Variants in PTPN9 observed in about 807,000 individuals in gnomAD.
PTPN9 encodes tyrosine-protein phosphatase non-receptor type 9.
PTPN9 carries 26 observed loss-of-function variants against 69.8 expected under a neutral mutation model. The ratio of observed to expected loss-of-function variants is 0.37; its 90% CI spans 0.27 to 0.52. The LOEUF (loss-of-function observed/expected upper bound fraction) is 0.52. Ranked by LOEUF, PTPN9 falls within the 20% of genes least tolerant of loss-of-function variation. The pLI, the probability that PTPN9 is intolerant of heterozygous loss-of-function variation, is 0.91. For missense variants in PTPN9, 549 were observed against 740.3 expected, an observed-to-expected ratio of 0.74 and a Z score of 3.00; for synonymous variants, 274 against 272.5, an observed-to-expected ratio of 1.01 and a Z score of -0.05.
chr15:75,503,792 C>A (rs1349984540), intron 7 of PTPN9, among the ~76,000 whole-genome samples: 2 of 112,236 alleles, frequency 1.8e-5, no homozygotes, highest in East Asian at 3.2e-4. Flanking sequence ...AGCCCCCCGT[C>A]CGGGAGGGAG....
At chr15:75,536,465 T>C (rs1437563536) in intron 1 of PTPN9, among the ~76,000 whole-genome samples, 1 of 152,182 alleles carries the variant, frequency 6.6e-6, no homozygotes, top group Non-Finnish European at 1.5e-5. Flanking sequence ...TCAAACTCTC[T>C]CTATGGATAT....
intron 7 of PTPN9, among the ~76,000 whole-genome samples, chr15:75,503,569 C>T (rs1349449611): frequency 4.9e-5 from 5 of 101,938 alleles, no homozygotes; most frequent in Admixed American, 1.0e-4. Context: ...CCCGCCCGGC[C>T]AGCCGCTCCG....
At chr15:75,553,280 C>T (rs923349752) in intron 1 of PTPN9, among the ~76,000 whole-genome samples, 2 of 152,132 alleles carry the variant, frequency 1.3e-5, no homozygotes, top group African/African-American at 4.8e-5. Context: ...TCTTAGTAGA[C>T]TTGAATCTGT....
chr15:75,475,502 C>T (rs1249309201), intron 9 of PTPN9, among the ~76,000 whole-genome samples: 1 of 151,990 alleles, frequency 6.6e-6, no homozygotes, highest in Non-Finnish European at 1.5e-5. Flanking sequence ...TTGTTTGAAC[C>T]CAGGAGGCGG....
chr15:75,559,768 C>CAAAAAAAAA (rs5813803), intron 1 of PTPN9, among the ~76,000 whole-genome samples: 1 of 94,944 alleles, frequency 1.1e-5, no homozygotes, highest in African/African-American at 3.5e-5. Context: ...GAATGGTCAA[C>CAAAAAAAAA]AAAAAAAAAA....
At position 75,540,923 on chromosome 15, in the gene PTPN9, T is replaced by A. The variant is rs1482695866; in HGVS notation, c.64-13662A>T. ...GGAAACCTCGTCTCTAAAAAAAAAA[T>A]TAAAAATTAGCCAGGTGTGGTGGTG... On this transcript the variant is annotated intron_variant, in intron 1 of 12. Transcript: ENST00000618819. Among the ~76,000 whole-genome samples the A allele has an allele frequency of 2.7e-5, 4 of 150,250 alleles. No individual in the cohort carries two copies. In the East Asian group the frequency reaches 8.0e-4, roughly 30 times the overall value.
intron 8 of PTPN9, among the ~76,000 whole-genome samples, chr15:75,488,395 A>C (rs2074690671): frequency 6.6e-6 from 1 of 151,906 alleles, no homozygotes; most frequent in South Asian, 2.1e-4. Context: ...CGGAGATATC[A>C]CCTAATAAAA....
rs941217629 is a variant in PTPN9 at position 75,546,618 on chromosome 15, G to C, written c.64-19357C>G. On this transcript the variant is annotated intron_variant, in intron 1 of 12. Transcript: ENST00000618819. ...AGATCATGCCACTGCACTCTAGCCT[G>C]GGCGACAGAGCAAGACTCTGTCTCA... Among the ~76,000 whole-genome samples, 14 of 151,978 alleles carry C rather than the reference G, an allele frequency of 9.2e-5. No individual in the cohort carries two copies. The East Asian group carries it at 2.7e-3, about 30-fold the overall frequency.
intron 1 of PTPN9, among the ~76,000 whole-genome samples, chr15:75,530,837 T>C (rs113145665): frequency 9.4e-4 from 96 of 102,404 alleles, no homozygotes; most frequent in Non-Finnish European, 1.5e-3. Flanking sequence ...ATATATATTA[T>C]AATATATTAT....
intron 1 of PTPN9, among the ~76,000 whole-genome samples, chr15:75,540,563 G>A (rs112258187): frequency 3.0e-4 from 10 of 33,248 alleles, no homozygotes; most frequent in African/African-American, 1.1e-3. Context: ...AAAAAAAAAA[G>A]AAAGAAAGAA....
rs1270941986 is a variant in PTPN9, at chr15:75,487,967, T to C, written c.1062+2241A>G. Among the ~76,000 whole-genome samples, 5 of 152,344 alleles carry C rather than the reference T, an allele frequency of 3.3e-5. No individual in the cohort carries two copies. In the South Asian group the frequency reaches 8.3e-4, roughly 25 times the overall value. On this transcript the variant is annotated intron_variant, in intron 8 of 12. Transcript: ENST00000618819. ...ATTTAAATTACTTTACTGTGTGTCA[T>C]GTTAAAGAGGCACTATTTAAATTAC...
intron 9 of PTPN9, among the ~76,000 whole-genome samples, chr15:75,474,518 CAA>C (rs1192419976): frequency 7.4e-6 from 1 of 134,420 alleles, no homozygotes. Context: ...GACTCTGTCT[CAA>C]AAAAAAAAAA....
At chr15:75,526,026 C>G (rs1350664355) in intron 2 of PTPN9, among the ~76,000 whole-genome samples, 1 of 150,618 alleles carries the variant, frequency 6.6e-6, no homozygotes, top group South Asian at 2.1e-4. Flanking sequence ...TAAACAGTCT[C>G]ACTCTGTTGC....
At chr15:75,567,995 CA>C (rs200988084) in intron 1 of PTPN9, among the ~76,000 whole-genome samples, 156 of 95,994 alleles carry the variant, frequency 1.6e-3, no homozygotes, top group East Asian at 0.014. Context: ...GACTCCGTCT[CA>C]AAAAAAAAAA....
At chr15:75,543,835 CAAT>C (rs1204173302) in intron 1 of PTPN9, among the ~76,000 whole-genome samples, 3 of 151,968 alleles carry the variant, frequency 2.0e-5, no homozygotes, top group Non-Finnish European at 4.4e-5. Flanking sequence ...TGCCACCAAA[CAAT>C]AATAAGTTTG....
intron 1 of PTPN9, among the ~76,000 whole-genome samples, chr15:75,533,712 G>C (rs983741443): frequency 3.9e-5 from 6 of 152,142 alleles, no homozygotes; most frequent in Non-Finnish European, 5.9e-5. Flanking sequence ...AGCTGAGAAA[G>C]CTGTCAATTA....
chr15:75,538,645 G>A (rs1393541916), intron 1 of PTPN9, among the ~76,000 whole-genome samples: 1 of 151,766 alleles, frequency 6.6e-6, no homozygotes, highest in Non-Finnish European at 1.5e-5. Context: ...CTGTACCACT[G>A]CATGGCCCCC....
At chr15:75,526,417 G>C (rs2074927771) in intron 2 of PTPN9, among the ~76,000 whole-genome samples, 2 of 152,014 alleles carry the variant, frequency 1.3e-5, no homozygotes, top group South Asian at 4.2e-4. Flanking sequence ...CCAAACTTCA[G>C]TTAAGCTAAT....
chr15:75,501,399 G>A (rs909987707), intron 7 of PTPN9, among the ~76,000 whole-genome samples: 5 of 151,450 alleles, frequency 3.3e-5, no homozygotes, highest in African/African-American at 1.2e-4. Flanking sequence ...TATGAGGCTG[G>A]GACCCACTAG....
Sources: allele counts gnomAD v4.1 joint callset (sites outside exome capture counted in the v4.1 genomes callset), GRCh38; gene constraint gnomAD v4.1.1; transcripts MANE v1.5; gene names NCBI Gene and HGNC (gene_info 2026-07-23, HGNC 2026-07-21).